EYA1: variants seen among roughly 807,000 people sequenced by gnomAD.
The protein encoded by EYA1 is protein phosphatase EYA1.
A neutral mutation model predicts 82.0 loss-of-function variants in EYA1; 16 were observed. The observed-to-expected ratio is 0.20, with a 90% CI of 0.13 to 0.30. The LOEUF (loss-of-function observed/expected upper bound fraction) is 0.30. EYA1 is among the 10% of genes least tolerant of loss of function. The pLI is 1.00. For missense variants in EYA1, 633 were observed against 730.7 expected, an observed-to-expected ratio of 0.87 and a Z score of 1.54; for synonymous variants, 261 against 264.4, an observed-to-expected ratio of 0.99 and a Z score of 0.12.
At chr8:71,451,080 G>T (rs978328861) in intron 2 of EYA1, among the ~76,000 whole-genome samples, 7 of 152,158 alleles carry the variant, frequency 4.6e-5, no homozygotes, top group Non-Finnish European at 8.8e-5. Flanking sequence ...TTTGAATGTT[G>T]TGAGGGTACA....
intron 2 of EYA1, among the ~76,000 whole-genome samples, chr8:71,487,301 T>C (rs1563664422): frequency 6.6e-6 from 1 of 152,192 alleles, no homozygotes; most frequent in Non-Finnish European, 1.5e-5. Flanking sequence ...CTCAGTTTCA[T>C]CTGTAAAATG....
At chr8:71,329,297 A>G (rs1823534482) in intron 4 of EYA1, among the ~76,000 whole-genome samples, 2 of 152,146 alleles carry the variant, frequency 1.3e-5, no homozygotes, top group Admixed American at 6.5e-5. Context: ...TACATGAAAA[A>G]TTATTTTAAA....
rs139066968 is a variant in EYA1, at chr8:71,485,296, T to C, written c.33+50448A>G. On this transcript the variant is annotated intron_variant, in intron 2 of 18. Transcript: ENST00000643681. ...AGGACAACTTGTAATTTTTCATATA[T>C]ATAACTAAAACCAATTTTTCTTTCA... Among the ~76,000 whole-genome samples the C allele has an allele frequency of 1.3e-4, 20 of 152,346 alleles. 1 individual carries two copies. In the East Asian group the frequency reaches 3.7e-3, roughly 28 times the overall value.
chr8:71,537,461 C>T (rs1411429213), intron 1 of EYA1, among the ~76,000 whole-genome samples: 1 of 152,168 alleles, frequency 6.6e-6, no homozygotes, highest in Non-Finnish European at 1.5e-5. Context: ...GTTTTCATTG[C>T]TTAAGTTACT....
At chr8:71,547,635 C>T (rs1040185812) in intron 1 of EYA1, 4 of 151,828 alleles carry the variant, frequency 2.6e-5, no homozygotes, top group Non-Finnish European at 5.9e-5. Flanking sequence ...CCTCCTGCCC[C>T]GGGGTGGGGC....
chr8:71,366,926 T>C (rs748984793), upstream of EYA1, among the ~76,000 whole-genome samples: 1 of 152,152 alleles, frequency 6.6e-6, no homozygotes, highest in Non-Finnish European at 1.5e-5. Context: ...ATGATACATA[T>C]TGATATATAG....
At chr8:71,411,778 C>G (rs376423067) in intron 2 of EYA1, among the ~76,000 whole-genome samples, 17,799 of 138,570 alleles carry the variant, frequency 0.13, 1,133 homozygotes, top group African/African-American at 0.19. Context: ...TACACTGTTG[C>G]TGGGACTGTA....
chr8:71,456,393 T>A (rs551895155), intron 2 of EYA1, among the ~76,000 whole-genome samples: 1 of 152,124 alleles, frequency 6.6e-6, no homozygotes, highest in Non-Finnish European at 1.5e-5. Context: ...CTTCACAGAA[T>A]TGGAAAAAAC....
At chr8:71,273,693 A>G (rs1340312454) in intron 9 of EYA1, among the ~76,000 whole-genome samples, 1 of 152,248 alleles carries the variant, frequency 6.6e-6, no homozygotes, top group Non-Finnish European at 1.5e-5. Flanking sequence ...ATGTTTCGAT[A>G]CCAAGCATTC....
chr8:71,311,193 C>T (rs975823167), intron 7 of EYA1, among the ~76,000 whole-genome samples: 1 of 152,122 alleles, frequency 6.6e-6, no homozygotes, highest in Non-Finnish European at 1.5e-5. Context: ...AAATGGATAG[C>T]GACACCAGTG....
intron 1 of EYA1, among the ~76,000 whole-genome samples, chr8:71,543,304 G>A (rs534612890): frequency 6.6e-6 from 1 of 152,314 alleles, no homozygotes; most frequent in African/African-American, 2.4e-5. Flanking sequence ...AGGTTGGGGG[G>A]TGATGAACTG....
intron 7 of EYA1, among the ~76,000 whole-genome samples, chr8:71,306,450 G>A (rs1450098718): frequency 6.6e-6 from 1 of 152,064 alleles, no homozygotes; most frequent in Non-Finnish European, 1.5e-5. Flanking sequence ...ATTGCCGGGG[G>A]TGGGGGAAAA....
At chr8:71,530,554 T>G (rs1463792428) in intron 2 of EYA1, among the ~76,000 whole-genome samples, 3 of 152,240 alleles carry the variant, frequency 2.0e-5, no homozygotes, top group Non-Finnish European at 4.4e-5. Context: ...ATAAAATATC[T>G]CACTTGGGGT....
At chr8:71,401,584 A>T (rs1829960484) in intron 2 of EYA1, among the ~76,000 whole-genome samples, 1 of 152,244 alleles carries the variant, frequency 6.6e-6, no homozygotes, top group Admixed American at 6.5e-5. Context: ...CATAGTGGTT[A>T]AGAGTAGAGG....
At chr8:71,407,768 G>A (rs1222122024) in intron 2 of EYA1, among the ~76,000 whole-genome samples, 1 of 138,650 alleles carries the variant, frequency 7.2e-6, no homozygotes, top group Non-Finnish European at 1.6e-5. Context: ...AAAGTGATGC[G>A]GAGAATGGAA....
intron 7 of EYA1, among the ~76,000 whole-genome samples, chr8:71,312,790 G>A (rs973277738): frequency 6.6e-6 from 1 of 152,140 alleles, no homozygotes; most frequent in African/African-American, 2.4e-5. Flanking sequence ...ATGTCACAAG[G>A]GAAATAACTA....
intron 2 of EYA1, among the ~76,000 whole-genome samples, chr8:71,411,571 G>A (rs1315418498): frequency 1.3e-5 from 2 of 150,832 alleles, no homozygotes; most frequent in Non-Finnish European, 2.9e-5. Flanking sequence ...GTGGGCGAAG[G>A]ACATGAACAG....
chr8:71,394,654 T>A (rs913882580), intron 2 of EYA1, among the ~76,000 whole-genome samples: 1 of 152,168 alleles, frequency 6.6e-6, no homozygotes, highest in Non-Finnish European at 1.5e-5. Context: ...GGTCTATATA[T>A]CTGTTTTGGT....
At chr8:71,319,685 C>A (rs1200705074) in intron 6 of EYA1, among the ~76,000 whole-genome samples, 1 of 152,144 alleles carries the variant, frequency 6.6e-6, no homozygotes, top group Non-Finnish European at 1.5e-5. Flanking sequence ...CCTTTTCTTA[C>A]AGGGTCTAAA....
Sources: gnomAD v4.1 joint callset for allele counts (sites outside exome capture counted in the v4.1 genomes callset) on GRCh38, gnomAD v4.1.1 for gene constraint, MANE v1.5 for transcripts, NCBI Gene and HGNC (gene_info 2026-07-23, HGNC 2026-07-21) for gene names.